AMPH: variants seen among roughly 807,000 people sequenced by gnomAD.
AMPH encodes the protein amphiphysin.
AMPH carries 49 observed loss-of-function variants against 99.1 expected under a neutral mutation model. The observed-to-expected ratio is 0.49, with a 90% CI of 0.39 to 0.63. The LOEUF is 0.63. AMPH is among the 20% of genes least tolerant of loss of function. The probability of loss-of-function intolerance (pLI) is 0.00; values close to 1 mark genes in which losing one functional copy is unlikely to be tolerated. For missense variants in AMPH, 759 were observed against 863.4 expected (o/e 0.88, Z 1.52); for synonymous variants, 314 against 317.3 (o/e 0.99, Z 0.11).
At chr7:38,538,540 C>A (rs1055191621) in intron 1 of AMPH, among the ~76,000 whole-genome samples, 1 of 152,176 alleles carries the variant, frequency 6.6e-6, no homozygotes, top group African/African-American at 2.4e-5. Flanking sequence ...CCATGGAGAG[C>A]CAATGAAGTG....
In AMPH at chr7:38,494,398, C is replaced by T. The variant is rs1373601371; in HGVS notation, c.300+35G>A. On this transcript the variant is annotated intron_variant, in intron 4 of 20. Coordinates refer to ENST00000356264, the MANE Select transcript of AMPH (RefSeq NM_001635.4). ...GGGGACAGGTGGACTGAGCAAGGGTCGTGGGAGCCTCATGGAAGCCACCCC... is the reference window on the plus strand; with the variant it reads ...GGGGACAGGTGGACTGAGCAAGGGTTGTGGGAGCCTCATGGAAGCCACCCC... 5 of 1,565,912 alleles carry T rather than the reference C, an allele frequency of 3.2e-6. No individual in the cohort carries two copies. In the South Asian group the frequency reaches 4.4e-5, roughly 14 times the overall value.
intron 5 of AMPH, among the ~76,000 whole-genome samples, chr7:38,480,245 G>T (rs1290168774): frequency 6.6e-6 from 1 of 152,074 alleles, no homozygotes; most frequent in Non-Finnish European, 1.5e-5. Flanking sequence ...TGGCAAAAGT[G>T]AACTGAATTA....
intron 17 of AMPH, among the ~76,000 whole-genome samples, chr7:38,410,999 G>A (rs111342092): frequency 2.0e-5 from 3 of 152,310 alleles, no homozygotes; most frequent in African/African-American, 7.2e-5. Flanking sequence ...GATATGAGAC[G>A]TGTTGATAAA....
At chr7:38,416,189 T>A (rs1181076048) in intron 17 of AMPH, among the ~76,000 whole-genome samples, 1 of 148,254 alleles carries the variant, frequency 6.7e-6, no homozygotes, top group Non-Finnish European at 1.5e-5. Context: ...TGGAAAACCA[T>A]AAACCTGGAT....
rs368751891 is a variant in AMPH, at chr7:38,426,972, T to C, written c.1197A>G (p.Ser399=). ...TDLVQPASGG[S]FNGFTQPQDT... ...TCCTTACCTGTGTGAATCCATTAAA[T>C]GAACCACCAGAAGCCTAAACAGAAA... Residue 399 remains serine (S), a synonymous_variant, in exon 15 of 21, where the codon TCA becomes TCG. Transcript: ENST00000356264. 1.9e-6 allele frequency: 3 copies of C among 1,613,176 alleles called. No individual in the cohort carries two copies. In the African/African-American group the frequency reaches 4.0e-5, roughly 22 times the overall value.
intron 1 of AMPH, among the ~76,000 whole-genome samples, chr7:38,571,908 CTT>C (rs35135533): frequency 1.5e-3 from 210 of 141,836 alleles, no homozygotes; most frequent in Admixed American, 2.5e-3. Context: ...ACACGTTTAT[CTT>C]TTTTTTTTTT....
intron 1 of AMPH, among the ~76,000 whole-genome samples, chr7:38,551,144 A>G (rs1259356484): frequency 6.6e-6 from 1 of 152,178 alleles, no homozygotes; most frequent in Admixed American, 6.5e-5. Context: ...TGTTTCAAGC[A>G]ACTCAGATTA....
chr7:38,565,032 G>A (rs921895345), intron 1 of AMPH, among the ~76,000 whole-genome samples: 2 of 151,704 alleles, frequency 1.3e-5, no homozygotes, highest in African/African-American at 4.8e-5. Flanking sequence ...GCTGAGGCAG[G>A]AGAATGGCGT....
At chr7:38,499,067 G>A (rs1405207439) in intron 3 of AMPH, among the ~76,000 whole-genome samples, 2 of 152,094 alleles carry the variant, frequency 1.3e-5, no homozygotes, top group African/African-American at 4.8e-5. Flanking sequence ...AAGTTCCTTG[G>A]AACAACCATT....
At chr7:38,625,887 TTAAGATTTG>T in intron 1 of AMPH, among the ~76,000 whole-genome samples, 1 of 152,268 alleles carries the variant, frequency 6.6e-6, no homozygotes, top group Admixed American at 6.5e-5. Context: ...AGCTGAACAC[TTAAGATTTG>T]TGCACTTTAT....
intron 17 of AMPH, among the ~76,000 whole-genome samples, chr7:38,395,295 C>A (rs79818493): frequency 0.058 from 8,832 of 151,906 alleles, 358 homozygotes; most frequent in East Asian, 0.19. Context: ...TTTTTGTAAT[C>A]AAATATGCAT....
intron 17 of AMPH, among the ~76,000 whole-genome samples, chr7:38,406,363 G>T (rs992647484): frequency 7.3e-5 from 11 of 151,390 alleles, no homozygotes; most frequent in African/African-American, 2.7e-4. Context: ...ACATAACAAA[G>T]ATCAGAGCGG....
At chr7:38,600,674 T>C (rs1401385919) in intron 1 of AMPH, among the ~76,000 whole-genome samples, 6 of 152,228 alleles carry the variant, frequency 3.9e-5, no homozygotes, top group Non-Finnish European at 8.8e-5. Context: ...AATGATATGC[T>C]AAATATTAAA....
intron 11 of AMPH, among the ~76,000 whole-genome samples, chr7:38,442,843 C>T (rs912952804): frequency 6.6e-5 from 10 of 150,428 alleles, no homozygotes; most frequent in African/African-American, 2.4e-4. Context: ...GGAAATTATA[C>T]AGATTAGAGT....
intron 17 of AMPH, among the ~76,000 whole-genome samples, chr7:38,415,157 A>G (rs1785333368): frequency 6.6e-6 from 1 of 152,220 alleles, no homozygotes; most frequent in African/African-American, 2.4e-5. Flanking sequence ...TGTAATAATT[A>G]AACTTTTCTT....
chr7:38,384,923 A>C lies in AMPH; in HGVS notation c.1983T>G (p.Asp661Glu), dbSNP rs372846915. 2 of 1,613,420 alleles carry C rather than the reference A, an allele frequency of 1.2e-6. No individual in the cohort carries two copies. The highest frequency in any genetic ancestry group is 1.7e-6 in the Non-Finnish European group (2 of 1,179,460). Reference protein sequence around the residue: ...VVPSDSEADQDAGWLVGVKES... With the variant: ...VVPSDSEADQEAGWLVGVKES... Reference sequence around the variant, plus strand: ...CCTTCACTCCCACCAGCCAGCCTGCATCCTGAAAAACAATGACAGAACTTT... The same window carrying C: ...CCTTCACTCCCACCAGCCAGCCTGCCTCCTGAAAAACAATGACAGAACTTT... The change falls in exon 21 of 21, where the codon GAT becomes GAG. Residue 661 changes from aspartate (D) to glutamate (E), a missense_variant and splice_region_variant. Coordinates refer to ENST00000356264, the MANE Select transcript of AMPH (RefSeq NM_001635.4).
intron 3 of AMPH, among the ~76,000 whole-genome samples, chr7:38,502,971 A>C (rs1430740083): frequency 1.3e-5 from 2 of 152,196 alleles, no homozygotes; most frequent in South Asian, 4.1e-4. Flanking sequence ...AATCTGCCTT[A>C]TGATACATCA....
In AMPH at chr7:38,441,803, T is replaced by TATATATCATATATCTATCATATATATC. The variant is rs1554336888; in HGVS notation, c.1018-5416_1018-5415insGATATATATGATAGATATATGATATAT. Among the ~76,000 whole-genome samples the TATATATCATATATCTATCATATATATC allele has an allele frequency of 6.2e-5, 4 of 64,326 alleles. 1 individual carries two copies. The South Asian group carries it at 2.7e-3, about 43-fold the overall frequency. The allele number at this position is 64,326 out of a possible 152,430, so 42.2% of individuals were successfully genotyped here. On this transcript the variant is annotated intron_variant, in intron 11 of 20. Coordinates refer to ENST00000356264, the MANE Select transcript of AMPH (RefSeq NM_001635.4). ...TCATATATCTGTCATATATATCATA[T>TATATATCATATATCTATCATATATATC]ATATATCATATATATCATATATCAT...
intron 1 of AMPH, among the ~76,000 whole-genome samples, chr7:38,613,729 T>A (rs10243546): frequency 0.8 from 121,939 of 151,682 alleles, 50,098 homozygotes; most frequent in African/African-American, 0.87. Flanking sequence ...ACAAATTTTG[T>A]TTCACAAAAA....
Sources: allele counts gnomAD v4.1 joint callset (sites outside exome capture counted in the v4.1 genomes callset), GRCh38; gene constraint gnomAD v4.1.1; transcripts MANE v1.5; gene names NCBI Gene and HGNC (gene_info 2026-07-23, HGNC 2026-07-21).